The following LYPD8 variants were observed in gnomAD, a reference collection of about 807,000 sequenced individuals.
LYPD8 encodes the protein LY6/PLAUR domain containing 8, also known as ly6/PLAUR domain-containing protein 8.
Under a neutral mutation model 1.7 loss-of-function variants are expected in LYPD8, and 8 were observed. The observed-to-expected ratio is 4.58, with a 90% confidence interval of 2.69 to 8.27. The LOEUF (loss-of-function observed/expected upper bound fraction) is 8.27. Among genes scored for constraint, LYPD8 ranks in the 30% most tolerant of loss-of-function variants. The pLI is 0.00. For missense variants in LYPD8, 112 were observed against 102.3 expected, an observed-to-expected ratio of 1.09 and a Z score of -0.41; for synonymous variants, 50 against 43.6, an observed-to-expected ratio of 1.15 and a Z score of -0.58.
chr1:248,742,042 C>G (rs1262963907), intron 6 of LYPD8, among the ~76,000 whole-genome samples: 1 of 152,218 alleles, frequency 6.6e-6, no homozygotes, highest in Non-Finnish European at 1.5e-5. Flanking sequence ...GTATATCATT[C>G]TACATTTGTC....
At chr1:248,752,785 C>A (rs1290417716) in intron 2 of LYPD8, among the ~76,000 whole-genome samples, 4 of 99,212 alleles carry the variant, frequency 4.0e-5, no homozygotes, top group Non-Finnish European at 5.8e-5. Context: ...CAACACACAC[C>A]ACACACACAC....
intron 6 of LYPD8, among the ~76,000 whole-genome samples, chr1:248,743,735 G>T (rs1011715689): frequency 6.6e-6 from 1 of 152,086 alleles, no homozygotes; most frequent in Admixed American, 6.5e-5. Flanking sequence ...GTGGGAGGAA[G>T]TGATGCATTC....
intron 3 of LYPD8, 60 bp from the exon 4 acceptor site, chr1:248,750,703 C>G (rs1662786278): frequency 2.5e-6 from 1 of 398,442 alleles, no homozygotes; most frequent in Non-Finnish European, 4.4e-6. Context: ...AGAGCATACT[C>G]TACTCTAGGA....
intron 6 of LYPD8, among the ~76,000 whole-genome samples, chr1:248,741,983 A>C (rs189342485): frequency 7.9e-5 from 12 of 152,334 alleles, no homozygotes; most frequent in Admixed American, 7.8e-4. Flanking sequence ...GCATAGAGGA[A>C]TTTTAAGGCA....
intron 5 of LYPD8, among the ~76,000 whole-genome samples, chr1:248,745,954 A>G (rs1341122078): frequency 2.0e-5 from 3 of 152,212 alleles, no homozygotes; most frequent in African/African-American, 7.2e-5. Context: ...AGTTTCCCAG[A>G]GGCTCCATGA....
chr1:248,752,182 G>C (rs1350893083), intron 2 of LYPD8, among the ~76,000 whole-genome samples: 2 of 152,010 alleles, frequency 1.3e-5, no homozygotes, highest in Non-Finnish European at 1.5e-5. Context: ...CAATGCTCAG[G>C]AGCCACATGT....
At chr1:248,749,974 C>T (rs1184429398) in intron 4 of LYPD8, among the ~76,000 whole-genome samples, 1 of 151,314 alleles carries the variant, frequency 6.6e-6, no homozygotes, top group African/African-American at 2.4e-5. Context: ...ACTGCTGACA[C>T]AGGGTAGTGG....
intron 2 of LYPD8, among the ~76,000 whole-genome samples, chr1:248,754,684 A>G (rs1662894876): frequency 6.6e-6 from 1 of 152,192 alleles, no homozygotes; most frequent in African/African-American, 2.4e-5. Context: ...AGAGATTGGT[A>G]AAAAGGAAGG....
In LYPD8 at chr1:248,754,819, AC is replaced by A. The variant is rs1368688428; in HGVS notation, c.-50+419del. Among the ~76,000 whole-genome samples the A allele has an allele frequency of 3.8e-4, 58 of 151,644 alleles. 1 individual carries two copies. The highest frequency in any genetic ancestry group is 3.4e-3 in the Middle Eastern group (1 of 292). On this transcript the variant is annotated intron_variant, in intron 2 of 6. Coordinates refer to ENST00000590317, the MANE Select transcript of LYPD8 (RefSeq NM_001085474.2). ...TGTAGCAGACGTGCGCCAGCCCCTC[AC>A]CCCTCCAGGCCCGGTGCACCCCTAC... is the stretch of plus-strand genomic sequence containing the variant.
rs1210918547 is a variant in LYPD8 at position 248,755,305 on chromosome 1, T to C, written c.-116A>G. On this transcript the variant is annotated 5_prime_UTR_variant, in exon 2 of 7. Coordinates refer to ENST00000590317, the MANE Select transcript of LYPD8 (RefSeq NM_001085474.2). ...GGTACTTCCCACTGGCAAAGTTTTATTGCGGAATCTTTTCGACAGCCTGGC... is the reference window on the plus strand; with the variant it reads ...GGTACTTCCCACTGGCAAAGTTTTACTGCGGAATCTTTTCGACAGCCTGGC... 6.6e-6 allele frequency: 1 copy of C among 152,228 alleles called. No individual in the cohort carries two copies. Among genetic ancestry groups the C allele is most frequent in the Non-Finnish European group, 1.5e-5 (1 of 68,056 alleles). The allele number at this position is 152,228 out of a possible 1,614,324, so 9.4% of individuals were successfully genotyped here.
rs1662871590 is a variant in LYPD8, at chr1:248,753,586, C to CAAACA, written c.-50+1652_-50+1653insTGTTT. On this transcript the variant is annotated intron_variant, in intron 2 of 6. Transcript: ENST00000590317. ...CACACAACACACACCCCACACAACA[C>CAAACA]ACACAACACAACACACACACCACAC... Among the ~76,000 whole-genome samples the CAAACA allele has an allele frequency of 1.5e-5, 2 of 131,348 alleles. 1 individual carries two copies. Among genetic ancestry groups the CAAACA allele is most frequent in the Non-Finnish European group, 3.3e-5 (2 of 61,328 alleles). 86.2% of individuals were successfully genotyped at this position (131,348 alleles called of 152,430 possible).
intron 6 of LYPD8, among the ~76,000 whole-genome samples, chr1:248,740,532 T>A (rs1662572751): frequency 6.6e-6 from 1 of 152,256 alleles, no homozygotes; most frequent in Non-Finnish European, 1.5e-5. Flanking sequence ...AATTGCTCTG[T>A]CAGCTGCAAT....
intron 2 of LYPD8, among the ~76,000 whole-genome samples, chr1:248,754,985 A>G (rs1376280080): frequency 8.5e-6 from 1 of 118,216 alleles, no homozygotes; most frequent in Non-Finnish European, 1.7e-5. Flanking sequence ...AAAGGAGAGG[A>G]TGAGATGAGA....
intron 3 of LYPD8, 42 bp downstream of exon 3, chr1:248,750,988 G>A (rs1662792374): frequency 2.5e-6 from 1 of 398,530 alleles, no homozygotes; most frequent in African/African-American, 2.1e-5. Context: ...AGGTGGAAAA[G>A]GGGGTCTCCA....
At chr1:248,752,813 ACACAT>A (rs1441963462) in intron 2 of LYPD8, among the ~76,000 whole-genome samples, 1 of 92,078 alleles carries the variant, frequency 1.1e-5, no homozygotes, top group Admixed American at 1.1e-4. Context: ...CACAACACAC[ACACAT>A]CACATCACAC....
Position 248,753,602 on chromosome 1 carries a change from C to T in LYPD8, c.-50+1637G>A, listed in dbSNP as rs1040071569. ...CACACAACACACACAACACAACACA[C>T]ACACCACACACCCCACACAACACAC... On this transcript the variant is annotated intron_variant, in intron 2 of 6. Transcript: ENST00000590317. Among the ~76,000 whole-genome samples the T allele has an allele frequency of 1.6e-3, 205 of 126,848 alleles. 11 individuals are homozygous for T. The highest frequency in any genetic ancestry group is 4.3e-3 in the East Asian group (14 of 3,250). 83.2% of individuals were successfully genotyped at this position (126,848 alleles called of 152,430 possible).
intron 6 of LYPD8, among the ~76,000 whole-genome samples, chr1:248,743,340 G>C (rs112834800): frequency 0.03 from 4,513 of 152,068 alleles, 210 homozygotes; most frequent in African/African-American, 0.091. Flanking sequence ...TGGCACATGT[G>C]TATAATCCCA....
At position 248,739,968 on chromosome 1, in the gene LYPD8, T is replaced by G; in HGVS notation, c.476-119A>C. On this transcript the variant is annotated intron_variant, in intron 6 of 6. Transcript: ENST00000590317. This position sits in a 1 kb window ranked among gnomAD's most constrained non-coding sequence, Gnocchi z 4.3. ...CGGTGACCAGCAAGAGCTGGTGTGC[T>G]CCTGAAGCCCAGGCAGGAAGAAGGA... 7.5e-7 allele frequency: 1 copy of G among 1,329,728 alleles called. No homozygotes were observed. The highest frequency in any genetic ancestry group is 1.4e-5 in the South Asian group (1 of 72,052). The allele number at this position is 1,329,728 out of a possible 1,614,324, so 82.4% of individuals were successfully genotyped here. A position where few individuals can be genotyped will look rare whatever the true frequency, so the allele number is the denominator to read the frequency against.
intron 6 of LYPD8, among the ~76,000 whole-genome samples, chr1:248,744,244 A>G (rs116156336): frequency 6.6e-6 from 1 of 152,198 alleles, no homozygotes; most frequent in Non-Finnish European, 1.5e-5. Flanking sequence ...GCTGTAAGTC[A>G]CATGTTAATG....
Sources: gnomAD v4.1 joint callset for allele counts (sites outside exome capture counted in the v4.1 genomes callset) on GRCh38, gnomAD v4.1.1 for gene constraint, Gnocchi (gnomAD v3.1) non-coding constraint, MANE v1.5 for transcripts, NCBI Gene and HGNC (gene_info 2026-07-23, HGNC 2026-07-21) for gene names.